STK32B: variants seen among roughly 807,000 people sequenced by gnomAD.
STK32B encodes the protein serine/threonine kinase 32B, also known as serine/threonine-protein kinase 32B.
A neutral mutation model predicts 52.6 loss-of-function variants in STK32B; 43 were observed. That is an observed-to-expected ratio of 0.82 (90% confidence interval 0.64 to 1.05). The LOEUF (loss-of-function observed/expected upper bound fraction) is 1.05. Ranked by LOEUF, STK32B falls within the 50% of genes least tolerant of loss-of-function variation. STK32B has a pLI of 0.00. For synonymous variants in STK32B, 238 were observed against 204.3 expected, an observed-to-expected ratio of 1.17 and a Z score of -1.41; for missense variants, 621 against 534.6, an observed-to-expected ratio of 1.16 and a Z score of -1.59.
At position 5,453,955 on chromosome 4, in the gene STK32B, G is replaced by C. The variant is rs1716261718; in HGVS notation, c.667-2852G>C. Among the ~76,000 whole-genome samples, 1 of 151,716 alleles carries C rather than the reference G, an allele frequency of 6.6e-6. No individual in the cohort carries two copies. The highest frequency in any genetic ancestry group is 6.6e-5 in the Admixed American group (1 of 15,252). ...CTCAGCCCCAGCTCATCTCCCAGTG[G>C]TAGCCCTGAGCTCTGGGTCTCCTGT... On this transcript the variant is annotated intron_variant, in intron 7 of 11. Transcript: ENST00000282908. The surrounding 1 kb of genome is among the most constrained non-coding windows in gnomAD (Gnocchi z 4.0).
chr4:5,324,521 T>G (rs1731747123), intron 3 of STK32B, among the ~76,000 whole-genome samples: 1 of 151,950 alleles, frequency 6.6e-6, no homozygotes, highest in African/African-American at 2.4e-5. Context: ...TAAGCAGGGT[T>G]TTTCAACCTC....
At chr4:5,271,036 C>A (rs1372327019) in intron 3 of STK32B, among the ~76,000 whole-genome samples, 2 of 147,900 alleles carry the variant, frequency 1.4e-5, no homozygotes, top group Non-Finnish European at 3.0e-5. Flanking sequence ...CTCCCAGATT[C>A]AAGCAATTCT....
chr4:5,357,565 TAA>T (rs113142598), intron 4 of STK32B, among the ~76,000 whole-genome samples: 5 of 147,390 alleles, frequency 3.4e-5, no homozygotes, highest in South Asian at 4.3e-4. Context: ...CAAAACATTC[TAA>T]AAAAAAAAAT....
At chr4:5,249,441 A>ACCTTCCTTCCTTCCTTCCTT (rs149485895) in intron 3 of STK32B, among the ~76,000 whole-genome samples, 2 of 137,342 alleles carry the variant, frequency 1.5e-5, no homozygotes, top group African/African-American at 2.7e-5. Flanking sequence ...CTTCCTACCT[A>ACCTTCCTTCCTTCCTTCCTT]CCTTCCTTCC....
intron 3 of STK32B, among the ~76,000 whole-genome samples, chr4:5,311,521 A>C (rs776229532): frequency 1.3e-5 from 2 of 152,186 alleles, no homozygotes; most frequent in Non-Finnish European, 2.9e-5. Flanking sequence ...ATATTTAAGA[A>C]AGTTGATCAA....
At chr4:5,408,838 C>G (rs940422803) in intron 5 of STK32B, among the ~76,000 whole-genome samples, 2 of 152,108 alleles carry the variant, frequency 1.3e-5, no homozygotes, top group Admixed American at 1.3e-4. Context: ...TCTTGCCACC[C>G]CATGACCCAG....
chr4:5,393,419 T>C (rs1258201618), intron 4 of STK32B, among the ~76,000 whole-genome samples: 1 of 152,220 alleles, frequency 6.6e-6, no homozygotes, highest in African/African-American at 2.4e-5. Context: ...CTCATGTTGT[T>C]ATAAAGAAAT....
the STK32B span, among the ~76,000 whole-genome samples, chr4:5,024,450 T>C: frequency 2.0e-5 from 3 of 152,312 alleles, no homozygotes; most frequent in East Asian, 5.8e-4. Flanking sequence ...GCCAATTCCT[T>C]GTACTAAATC....
intron 3 of STK32B, among the ~76,000 whole-genome samples, chr4:5,168,975 C>A (rs1719113836): frequency 6.6e-6 from 1 of 152,194 alleles, no homozygotes; most frequent in African/African-American, 2.4e-5. Context: ...AAATGTGCAT[C>A]CTAGAAACAC....
intron 5 of STK32B, among the ~76,000 whole-genome samples, chr4:5,410,973 G>A (rs777195661): frequency 1.2e-4 from 18 of 152,022 alleles, no homozygotes; most frequent in Admixed American, 1.2e-3. Context: ...GATCAAAACG[G>A]TGAATGCAGT....
rs1259154503 is a variant in STK32B at position 5,378,550 on chromosome 4, G to A, written c.435-19657G>A. Among the ~76,000 whole-genome samples the A allele has an allele frequency of 6.6e-6, 1 of 151,686 alleles. No homozygotes were observed. Among genetic ancestry groups the A allele is most frequent in the Non-Finnish European group, 1.5e-5 (1 of 67,978 alleles). On this transcript the variant is annotated intron_variant, in intron 4 of 11. Transcript: ENST00000282908. The surrounding 1 kb of genome is among the most constrained non-coding windows in gnomAD (Gnocchi z 4.4). Reference sequence around the variant, plus strand: ...TTTTCTTCTTTTTTTGCATTCTATAGTATTGATAGGGTTTGTTATGCCCTT... The same window carrying A: ...TTTTCTTCTTTTTTTGCATTCTATAATATTGATAGGGTTTGTTATGCCCTT...
intron 4 of STK32B, among the ~76,000 whole-genome samples, chr4:5,393,679 G>C (rs1005142506): frequency 2.0e-5 from 3 of 152,094 alleles, no homozygotes; most frequent in African/African-American, 7.2e-5. Flanking sequence ...CAAGAGGATG[G>C]TGCTAAACCA....
chr4:5,380,526 C>G lies in STK32B; in HGVS notation c.435-17681C>G, dbSNP rs527302492. Among the ~76,000 whole-genome samples the G allele has an allele frequency of 3.3e-5, 5 of 152,300 alleles. No homozygotes were observed. In the East Asian group the frequency reaches 7.7e-4, roughly 24 times the overall value. ...TAATGGGACCTTGAGCCAGCAACTT[C>G]TTGCTAAGCCCCTGATGGTGTGCAA... On this transcript the variant is annotated intron_variant, in intron 4 of 11. Coordinates refer to ENST00000282908, the MANE Select transcript of STK32B (RefSeq NM_018401.3). The surrounding 1 kb of genome is among the most constrained non-coding windows in gnomAD (Gnocchi z 4.3).
At chr4:5,158,825 C>T (rs1387992760) in intron 2 of STK32B, among the ~76,000 whole-genome samples, 2 of 152,146 alleles carry the variant, frequency 1.3e-5, no homozygotes, top group South Asian at 4.1e-4. Context: ...GATTGGGGCC[C>T]ACCCAAAGAC....
At chr4:5,072,496 T>G (rs1210463413) in intron 1 of STK32B, among the ~76,000 whole-genome samples, 2 of 152,166 alleles carry the variant, frequency 1.3e-5, no homozygotes, top group Admixed American at 1.3e-4. Flanking sequence ...TTCATGTCCC[T>G]TCACTCTCAT....
intron 6 of STK32B, among the ~76,000 whole-genome samples, chr4:5,426,634 G>A (rs557699736): frequency 7.8e-6 from 1 of 128,562 alleles, no homozygotes; most frequent in East Asian, 2.3e-4. Flanking sequence ...AGGTTGCAAT[G>A]AGCCAAGATC....
upstream of STK32B, among the ~76,000 whole-genome samples, chr4:5,050,473 T>A (rs997267309): frequency 3.3e-5 from 5 of 151,878 alleles, no homozygotes; most frequent in East Asian, 9.7e-4. Flanking sequence ...CTCACCCTTC[T>A]CCCAAGAAAA....
chr4:5,447,737 G>T (rs1715595529), intron 7 of STK32B, among the ~76,000 whole-genome samples: 1 of 152,212 alleles, frequency 6.6e-6, no homozygotes, highest in Non-Finnish European at 1.5e-5. Context: ...CAGGACCATG[G>T]TTTCCTCATT....
intron 1 of STK32B, among the ~76,000 whole-genome samples, chr4:5,066,029 C>T (rs1015953963): frequency 4.5e-4 from 69 of 152,104 alleles, no homozygotes; most frequent in Non-Finnish European, 1.3e-4. Context: ...TGGCCAGACT[C>T]AATAATTTTT....
Sources: allele counts gnomAD v4.1 joint callset (sites outside exome capture counted in the v4.1 genomes callset), GRCh38; gene constraint gnomAD v4.1.1; non-coding constraint Gnocchi (gnomAD v3.1); transcripts MANE v1.5; gene names NCBI Gene and HGNC (gene_info 2026-07-23, HGNC 2026-07-21).